Variants in CD1B observed in about 807,000 individuals in gnomAD.
CD1B encodes the protein CD1b molecule, also known as T-cell surface glycoprotein CD1b.
CD1B carries 43 observed loss-of-function variants against 39.8 expected under a neutral mutation model. The ratio of observed to expected loss-of-function variants is 1.08; its 90% CI spans 0.85 to 1.39. The LOEUF is 1.39. CD1B is among the 40% of genes most tolerant of loss of function. CD1B has a pLI of 0.00. For synonymous variants in CD1B, 192 were observed against 152.5 expected, an observed-to-expected ratio of 1.26 and a Z score of -1.91; for missense variants, 495 against 403.8, an observed-to-expected ratio of 1.23 and a Z score of -1.94.
At chr1:158,298,538 C>A in the CD1B span, among the ~76,000 whole-genome samples, 1 of 152,128 alleles carries the variant, frequency 6.6e-6, no homozygotes, top group Non-Finnish European at 1.5e-5. Context: ...GGTAGTTTTT[C>A]CAATTCTGTG....
At chr1:158,311,989 GT>G in the CD1B span, among the ~76,000 whole-genome samples, 2 of 152,038 alleles carry the variant, frequency 1.3e-5, no homozygotes, top group African/African-American at 4.8e-5. Flanking sequence ...GTCTTTGATG[GT>G]TCAATATTAA....
At chr1:158,304,412 T>G in the CD1B span, among the ~76,000 whole-genome samples, 3 of 152,238 alleles carry the variant, frequency 2.0e-5, no homozygotes, top group South Asian at 6.2e-4. Flanking sequence ...CACCATTGCC[T>G]AGGCTTGAGT....
the CD1B span, among the ~76,000 whole-genome samples, chr1:158,287,622 A>G: frequency 2.5e-3 from 378 of 152,318 alleles, 3 homozygotes; most frequent in African/African-American, 8.4e-3. Flanking sequence ...TAGTGGCACT[A>G]TCAGAAGTCA....
downstream of CD1B, among the ~76,000 whole-genome samples, chr1:158,326,611 G>A (rs778068132): frequency 5.3e-5 from 8 of 152,002 alleles, no homozygotes; most frequent in South Asian, 2.1e-4. Context: ...ATGTCATAAT[G>A]TAATTTCGGC....
Position 158,331,401 on chromosome 1 carries a change from A to T in CD1B, c.23T>A (p.Leu8Gln). The part of the protein sequence containing the change: MLLLPFQ[L>Q]LAVLFPGGNS... Reference sequence around the variant, plus strand: ...ACCACCAGGAAAGAGAACAGCTAACAGTTGAAATGGCAGCAGCAGCATTTC... The same window carrying T: ...ACCACCAGGAAAGAGAACAGCTAACTGTTGAAATGGCAGCAGCAGCATTTC... Residue 8 changes from leucine to glutamine, a missense_variant, in exon 1 of 6, where the codon CTG (leucine) becomes CAG (glutamine). By Grantham distance (113) the Leu-to-Gln change is moderately radical. Coordinates refer to ENST00000368168, the MANE Select transcript of CD1B (RefSeq NM_001764.3). 6.2e-7 allele frequency: 1 copy of T among 1,614,088 alleles called. No individual in the cohort carries two copies. The highest frequency in any genetic ancestry group is 8.5e-7 in the Non-Finnish European group (1 of 1,179,948).
chr1:158,287,639 A>C, the CD1B span, among the ~76,000 whole-genome samples: 3 of 152,182 alleles, frequency 2.0e-5, no homozygotes, highest in Non-Finnish European at 2.9e-5. Context: ...GTCAAGATTG[A>C]CCATTAGATC....
chr1:158,300,244 C>A, the CD1B span, among the ~76,000 whole-genome samples: 1 of 152,252 alleles, frequency 6.6e-6, no homozygotes, highest in Non-Finnish European at 1.5e-5. Context: ...TTGTTATTTA[C>A]CAAGTAGTCA....
the CD1B span, among the ~76,000 whole-genome samples, chr1:158,320,196 C>G: frequency 1.1e-3 from 162 of 152,356 alleles, no homozygotes; most frequent in African/African-American, 3.8e-3. Context: ...CCAGTTCGAG[C>G]TTCCTGGCTG....
At chr1:158,318,080 C>G in the CD1B span, among the ~76,000 whole-genome samples, 1 of 152,056 alleles carries the variant, frequency 6.6e-6, no homozygotes, top group Non-Finnish European at 1.5e-5. Context: ...GCTTTACTGC[C>G]AACTATGTGA....
At chr1:158,329,097 C>T in intron 4 of CD1B, 83 bp from the exon 5 acceptor site, 1 of 1,172,690 alleles carries the variant, frequency 8.5e-7, no homozygotes, top group Non-Finnish European at 1.2e-6. Context: ...CACCTACTTC[C>T]AATGTATGGT....
chr1:158,295,997 CT>C, the CD1B span, among the ~76,000 whole-genome samples: 4 of 152,108 alleles, frequency 2.6e-5, no homozygotes, highest in East Asian at 7.7e-4. Flanking sequence ...TGCATGTACC[CT>C]GCCACACTAC....
the CD1B span, among the ~76,000 whole-genome samples, chr1:158,320,339 G>C: frequency 6.6e-6 from 1 of 152,230 alleles, no homozygotes; most frequent in Non-Finnish European, 1.5e-5. Flanking sequence ...CTCCGAAGCA[G>C]GTGTGGGATA....
chr1:158,316,141 G>A, the CD1B span, among the ~76,000 whole-genome samples: 5 of 152,010 alleles, frequency 3.3e-5, no homozygotes, highest in Admixed American at 6.6e-5. Context: ...GGCAATGCGG[G>A]CTCTTTTTTG....
the CD1B span, among the ~76,000 whole-genome samples, chr1:158,285,542 A>G: frequency 2.0e-5 from 3 of 152,316 alleles, no homozygotes; most frequent in Non-Finnish European, 2.9e-5. Flanking sequence ...GCAATATGAG[A>G]TCATAGAAAA....
Position 158,329,602 on chromosome 1 carries a change from G to A in CD1B, c.654C>T (p.Gly218=). 4 of 1,614,092 alleles carry A rather than the reference G, an allele frequency of 2.5e-6. No individual in the cohort carries two copies. Among genetic ancestry groups the A allele is most frequent in the South Asian group, 2.2e-5 (2 of 91,074 alleles). The change falls in exon 4 of 6, where the codon GGC becomes GGT. Residue 218 remains glycine, a synonymous_variant. Coordinates refer to ENST00000368168, the MANE Select transcript of CD1B (RefSeq NM_001764.3). ...AGACATGGCACACAAGCTGCAGACG[G>A]CCAGGTCCAGGACTGGGGCCACTGG... ...WLSSGPSPGP[G]RLQLVCHVSG...
chr1:158,330,095 G>A lies in CD1B; in HGVS notation c.364C>T (p.Leu122=). 1 of 1,613,840 alleles carries A rather than the reference G, an allele frequency of 6.2e-7. No individual in the cohort carries two copies. Among genetic ancestry groups the A allele is most frequent in the Non-Finnish European group, 8.5e-7 (1 of 1,179,834 alleles). ...CTTACTATGGCACCTCCAGAATGTAGCTCACAGCCTGCTATGCCCTGGATC... is the reference window on the plus strand; with the variant it reads ...CTTACTATGGCACCTCCAGAATGTAACTCACAGCCTGCTATGCCCTGGATC... ...FEIQGIAGCE[L]HSGGAIVSFL... is the part of the protein sequence containing the mutation. The change falls in exon 3 of 6, where the codon CTA becomes TTA. Residue 122 remains leucine (L), a synonymous_variant. Coordinates refer to ENST00000368168, the MANE Select transcript of CD1B (RefSeq NM_001764.3).
At chr1:158,309,218 G>C in the CD1B span, among the ~76,000 whole-genome samples, 4 of 152,064 alleles carry the variant, frequency 2.6e-5, no homozygotes, top group East Asian at 5.8e-4. Context: ...GCAGCCAAAG[G>C]ACACATGAAA....
At chr1:158,292,199 A>G in the CD1B span, 3 of 1,614,198 alleles carry the variant, frequency 1.9e-6, no homozygotes, top group South Asian at 3.3e-5. Context: ...AGAATACAAC[A>G]TGGGTGCCAT....
the CD1B span, among the ~76,000 whole-genome samples, chr1:158,320,015 C>T: frequency 6.6e-6 from 1 of 152,204 alleles, no homozygotes; most frequent in Non-Finnish European, 1.5e-5. Flanking sequence ...GGCAGTCTGC[C>T]CGTTCTCAGA....
Sources: gnomAD v4.1 joint callset for allele counts (sites outside exome capture counted in the v4.1 genomes callset) on GRCh38, gnomAD v4.1.1 for gene constraint, MANE v1.5 for transcripts, NCBI Gene and HGNC (gene_info 2026-07-23, HGNC 2026-07-21) for gene names.